The following BCOR variants were observed in gnomAD, a reference collection of about 807,000 sequenced individuals.
BCOR encodes BCL-6 corepressor.
In BCOR, 10 loss-of-function variants were observed where a neutral mutation model predicts 86.7. That is an observed-to-expected ratio of 0.12 (90% CI 0.07 to 0.20). The LOEUF is 0.20. Ranked by LOEUF, BCOR falls within the 10% of genes least tolerant of loss-of-function variation. The probability of loss-of-function intolerance (pLI) is 1.00; values close to 1 mark genes in which losing one functional copy is unlikely to be tolerated. For synonymous variants in BCOR, 611 were observed against 609.0 expected, an observed-to-expected ratio of 1.00 and a Z score of -0.05; for missense variants, 1,259 against 1,452.1, an observed-to-expected ratio of 0.87 and a Z score of 2.16.
At chrX:40,139,402 T>C (rs1281427646) in intron 1 of BCOR, among the ~76,000 whole-genome samples, 1 of 18,311 alleles carries the variant, frequency 5.5e-5, no homozygotes, top group Admixed American at 1.1e-3. Context: ...TACATATATA[T>C]ATATATATAT....
At chrX:40,060,311 A>C (rs1291509451) in intron 10 of BCOR, among the ~76,000 whole-genome samples, 1 of 112,461 alleles carries the variant, frequency 8.9e-6, no homozygotes, top group Non-Finnish European at 1.9e-5. Context: ...TGACATTTAC[A>C]TTTGAAGGGG....
Position 40,136,452 on chromosome X carries a change from G to C in BCOR, c.-41+40555C>G, listed in dbSNP as rs1054450838. On this transcript the variant is annotated intron_variant, in intron 1 of 14. Coordinates refer to the BCOR transcript ENST00000342274. ...CAACCTACCATCTAAAAGAACACTC[G>C]TTCTACCTGCTGTAGATAGAAATAA... Among the ~76,000 whole-genome samples, 10 of 112,022 alleles carry C rather than the reference G, an allele frequency of 8.9e-5. No homozygotes were observed. In the South Asian group the frequency reaches 1.1e-3, roughly 12 times the overall value.
upstream of BCOR, among the ~76,000 whole-genome samples, chrX:40,101,918 A>AAAAC (rs1381592019): frequency 8.9e-6 from 1 of 112,039 alleles, no homozygotes; most frequent in Non-Finnish European, 1.9e-5. Flanking sequence ...CCTTTCTTTA[A>AAAAC]AAACACACCC....
chrX:40,061,698 A>G (rs1934882673), intron 10 of BCOR, among the ~76,000 whole-genome samples: 1 of 79,623 alleles, frequency 1.3e-5, no homozygotes, highest in Non-Finnish European at 2.3e-5. Context: ...CTACACAGCT[A>G]CTTCCTGCCT....
chrX:40,110,310 CTCT>C (rs1473937600), intron 1 of BCOR, among the ~76,000 whole-genome samples: 1 of 111,197 alleles, frequency 9.0e-6, no homozygotes, highest in Non-Finnish European at 1.9e-5. Context: ...ATTTAAATAG[CTCT>C]TCAATAGTTA....
intron 1 of BCOR, among the ~76,000 whole-genome samples, chrX:40,112,476 CAG>C (rs1451155192): frequency 2.7e-5 from 3 of 111,855 alleles, no homozygotes; most frequent in Non-Finnish European, 5.6e-5. Flanking sequence ...ATAAGGTAGG[CAG>C]AGTTATTATG....
intron 1 of BCOR, among the ~76,000 whole-genome samples, chrX:40,083,828 C>T (rs1256153791): frequency 8.9e-6 from 1 of 112,181 alleles, no homozygotes. Context: ...GCGGCCCGAC[C>T]TTCCCAGTTC....
intron 3 of BCOR, among the ~76,000 whole-genome samples, chrX:40,076,200 A>G (rs1935798565): frequency 8.9e-6 from 1 of 111,778 alleles, no homozygotes. Flanking sequence ...TGTGGCATCC[A>G]GCTTATGGAA....
chrX:40,166,002 C>G (rs1166160493), intron 1 of BCOR, among the ~76,000 whole-genome samples: 1 of 111,946 alleles, frequency 8.9e-6, no homozygotes, highest in East Asian at 2.8e-4. Context: ...CCTGCAACTA[C>G]TTCATCGGAT....
chrX:40,158,308 C>G (rs1157858530), intron 1 of BCOR, among the ~76,000 whole-genome samples: 1 of 112,246 alleles, frequency 8.9e-6, no homozygotes, highest in Non-Finnish European at 1.9e-5. Context: ...CTCCCCCGGA[C>G]GCGGGCGGCT....
chrX:40,153,160 G>C (rs185458713), intron 1 of BCOR, among the ~76,000 whole-genome samples: 1 of 113,203 alleles, frequency 8.8e-6, no homozygotes, highest in East Asian at 2.8e-4. Context: ...GCGGCGGGGG[G>C]AGGGGGTAGC....
At chrX:40,157,581 T>C (rs1938324469) in intron 1 of BCOR, among the ~76,000 whole-genome samples, 1 of 112,543 alleles carries the variant, frequency 8.9e-6, no homozygotes, top group Non-Finnish European at 1.9e-5. Context: ...CAAACTTTGG[T>C]TGGAACCTTG....
chrX:40,174,839 G>T (rs1191057507), intron 1 of BCOR, among the ~76,000 whole-genome samples: 1 of 112,952 alleles, frequency 8.9e-6, no homozygotes, highest in Non-Finnish European at 1.9e-5. Flanking sequence ...TTTGACCACA[G>T]TTTCTCACAG....
Position 40,061,726 on chromosome X carries a change from A to G in BCOR, c.4428+413T>C, listed in dbSNP as rs1316813043. 6.5e-5 allele frequency among the ~76,000 whole-genome samples: 6 copies of G among 92,855 alleles called. No individual in the cohort carries two copies. The Admixed American group carries it at 8.0e-4, about 12-fold the overall frequency. 80.6% of individuals were successfully genotyped at this position (92,855 alleles called of 115,157 possible). A position where few individuals can be genotyped will look rare whatever the true frequency, so the allele number is the denominator to read the frequency against. On this transcript the variant is annotated intron_variant, in intron 10 of 14. Transcript: ENST00000378444. ...TCCTGCCTACTCCCCCTACACGGCC[A>G]CCCTTCCACCCGAAACAGTACAAGC... is the stretch of plus-strand genomic sequence containing the variant.
chrX:40,139,425 CATATATATATATATATATATAATATAT>C, intron 1 of BCOR, among the ~76,000 whole-genome samples: 12 of 1,047 alleles, frequency 0.011, 3 homozygotes, highest in African/African-American at 0.053. Flanking sequence ...AATATATATA[CATATATATATATATATATATAATATAT>C]ATACATATAT....
chrX:40,066,199 T>C (rs1271679702), intron 6 of BCOR, among the ~76,000 whole-genome samples: 1 of 111,558 alleles, frequency 9.0e-6, no homozygotes, highest in Non-Finnish European at 1.9e-5. Context: ...CAGGTCTCTG[T>C]AGGTACAACC....
intron 1 of BCOR, among the ~76,000 whole-genome samples, chrX:40,096,878 C>T (rs1224612908): frequency 2.8e-5 from 3 of 108,305 alleles, no homozygotes; most frequent in Non-Finnish European, 5.8e-5. Context: ...TCAGCGGCGA[C>T]CGCGCTCCCG....
intron 1 of BCOR, among the ~76,000 whole-genome samples, chrX:40,148,494 C>A (rs1196848800): frequency 9.0e-6 from 1 of 110,977 alleles, no homozygotes; most frequent in Non-Finnish European, 1.9e-5. Flanking sequence ...AGAGTCCAGG[C>A]AGAGCAGGAA....
intron 1 of BCOR, among the ~76,000 whole-genome samples, chrX:40,171,968 T>C (rs756934966): frequency 8.9e-6 from 1 of 112,781 alleles, no homozygotes; most frequent in African/African-American, 3.2e-5. Context: ...CGCCGGCAAG[T>C]GCAGCCGGGC....
Sources: allele counts gnomAD v4.1 joint callset (sites outside exome capture counted in the v4.1 genomes callset), GRCh38; gene constraint gnomAD v4.1.1; transcripts MANE v1.5; gene names NCBI Gene and HGNC (gene_info 2026-07-23, HGNC 2026-07-21).